The following TSC22D2 variants were observed in gnomAD, a reference collection of about 807,000 sequenced individuals.
The protein encoded by TSC22D2 is TSC22 domain family protein 2.
Under a neutral mutation model 50.1 loss-of-function variants are expected in TSC22D2, and 5 were observed. The ratio of observed to expected loss-of-function variants is 0.10; its 90% confidence interval spans 0.05 to 0.21. The LOEUF is 0.21. TSC22D2 is among the 10% of genes least tolerant of loss of function. The pLI is 1.00. For missense variants in TSC22D2, 1,003 were observed against 1,015.5 expected, an observed-to-expected ratio of 0.99 and a Z score of 0.17; for synonymous variants, 501 against 450.1, an observed-to-expected ratio of 1.11 and a Z score of -1.43.
intron 1 of TSC22D2, among the ~76,000 whole-genome samples, chr3:150,417,663 A>C (rs1719862155): frequency 6.6e-6 from 1 of 152,098 alleles, no homozygotes; most frequent in Admixed American, 6.5e-5. Flanking sequence ...TGTGCAAGTA[A>C]TTTGAACAGT....
At chr3:150,442,138 A>AT (rs1246845324) in intron 1 of TSC22D2, among the ~76,000 whole-genome samples, 17 of 152,106 alleles carry the variant, frequency 1.1e-4, no homozygotes, top group Admixed American at 1.1e-3. Context: ...TACTTGGAAC[A>AT]TTTTTTTGTA....
chr3:150,427,640 C>G (rs898349555), intron 1 of TSC22D2, among the ~76,000 whole-genome samples: 1 of 152,166 alleles, frequency 6.6e-6, no homozygotes, highest in African/African-American at 2.4e-5. Context: ...GTACCTAGTA[C>G]TTACATAATT....
At chr3:150,448,854 A>C (rs1720958450) in intron 1 of TSC22D2, among the ~76,000 whole-genome samples, 1 of 148,770 alleles carries the variant, frequency 6.7e-6, no homozygotes, top group African/African-American at 2.5e-5. Flanking sequence ...TGGAAAAAGA[A>C]GATAATGTTA....
At chr3:150,450,221 CA>C (rs1721001024) in intron 1 of TSC22D2, among the ~76,000 whole-genome samples, 1 of 151,990 alleles carries the variant, frequency 6.6e-6, no homozygotes, top group Admixed American at 6.6e-5. Context: ...CATTGGTGAA[CA>C]AGGTTTTTGT....
intron 1 of TSC22D2, among the ~76,000 whole-genome samples, chr3:150,455,808 T>A (rs1044651146): frequency 1.3e-5 from 2 of 152,200 alleles, no homozygotes; most frequent in African/African-American, 2.4e-5. Flanking sequence ...ATATAAAAAA[T>A]TATCTTTTCG....
intron 1 of TSC22D2, among the ~76,000 whole-genome samples, chr3:150,436,979 C>A (rs929001886): frequency 6.6e-6 from 1 of 151,998 alleles, no homozygotes. Flanking sequence ...GCGTATTGAT[C>A]ATCCTCAGTA....
rs1721545601 is a variant in TSC22D2, at chr3:150,466,376, G to A, written c.*7740G>A. 1 of 152,118 alleles carries A rather than the reference G, an allele frequency of 6.6e-6. No homozygotes were observed. The allele number at this position is 152,118 out of a possible 1,614,324, so 9.4% of individuals were successfully genotyped here. A position where few individuals can be genotyped will look rare whatever the true frequency, so the allele number is the denominator to read the frequency against. ...TTGATGTTTTTGAATATGCATTTATGTATTGTTTGTGTAATGACAAATTAA... is the reference window on the plus strand; with the variant it reads ...TTGATGTTTTTGAATATGCATTTATATATTGTTTGTGTAATGACAAATTAA... On this transcript the variant is annotated 3_prime_UTR_variant, in exon 3 of 3. Coordinates refer to ENST00000688009, the MANE Select transcript of TSC22D2 (RefSeq NM_001303264.2).
At position 150,409,848 on chromosome 3, in the gene TSC22D2, G is replaced by T. The variant is rs779812397; in HGVS notation, c.498G>T (p.Lys166Asn). 6.2e-7 allele frequency: 1 copy of T among 1,609,034 alleles called. No individual in the cohort carries two copies. Among genetic ancestry groups the T allele is most frequent in the Non-Finnish European group, 8.5e-7 (1 of 1,180,012 alleles). ...TTCSSRFRVI[K>N]LDHGSGEPYR... ...GTAGTTCCCGTTTTCGCGTGATCAA[G>T]CTGGACCACGGGAGCGGAGAGCCCT... The change falls in exon 1 of 3, where the codon AAG (lysine) becomes AAT (asparagine). Residue 166 changes from lysine to asparagine, a missense_variant. By Grantham distance (94) the Lys-to-Asn change is moderately conservative. Transcript: ENST00000688009. The surrounding 1 kb of genome is among the most constrained non-coding windows in gnomAD (Gnocchi z 7.4).
chr3:150,415,887 G>A (rs1482884850), intron 1 of TSC22D2, among the ~76,000 whole-genome samples: 2 of 152,156 alleles, frequency 1.3e-5, no homozygotes, highest in African/African-American at 2.4e-5. Context: ...CTATGAATCT[G>A]GTACTTCCTA....
At chr3:150,454,536 T>G (rs1426043211) in intron 1 of TSC22D2, among the ~76,000 whole-genome samples, 1 of 152,190 alleles carries the variant, frequency 6.6e-6, no homozygotes, top group Admixed American at 6.5e-5. Flanking sequence ...TGGGAACTTG[T>G]TAGAAATGCA....
chr3:150,461,020 C>G lies in TSC22D2; in HGVS notation c.*2384C>G, dbSNP rs1053552730. The G allele has an allele frequency of 3.3e-5, 5 of 152,074 alleles. No homozygotes were observed. Among genetic ancestry groups the G allele is most frequent in the African/African-American group, 9.7e-5 (4 of 41,402 alleles). 9.4% of individuals were successfully genotyped at this position (152,074 alleles called of 1,614,324 possible). Reference sequence around the variant, plus strand: ...TCAACCTCTAGTAACCTAAGAAATGCAAATTAATGTTTTTGGCGAATTGTA... The same window carrying G: ...TCAACCTCTAGTAACCTAAGAAATGGAAATTAATGTTTTTGGCGAATTGTA... On this transcript the variant is annotated 3_prime_UTR_variant, in exon 3 of 3. Transcript: ENST00000688009.
chr3:150,415,211 A>G (rs541761296), intron 1 of TSC22D2, among the ~76,000 whole-genome samples: 1 of 152,344 alleles, frequency 6.6e-6, no homozygotes, highest in East Asian at 1.9e-4. Context: ...TTCCTAAACC[A>G]TGAGCTATAT....
chr3:150,410,701 C>T lies in TSC22D2; in HGVS notation c.1351C>T (p.Pro451Ser), dbSNP rs1050186098. ...ACCAGCGCAAGGCGGGCAGGTCGCG[C>T]CTTGTCAGCCGACTGGAGTGCCCCC... ...TGPAQGGQVA[P>S]CQPTGVPPAT... Residue 451 changes from proline (P) to serine (S), a missense_variant, in exon 1 of 3, where the codon CCT becomes TCT. Physicochemically the swap from Pro to Ser is moderately conservative, Grantham distance 74 (BLOSUM62 -1). Coordinates refer to ENST00000688009, the MANE Select transcript of TSC22D2 (RefSeq NM_001303264.2). 2.9e-5 allele frequency: 46 copies of T among 1,574,082 alleles called. No homozygotes were observed. In the African/African-American group the frequency reaches 3.0e-4, roughly 10 times the overall value.
At position 150,409,376 on chromosome 3, in the gene TSC22D2, A is replaced by G. The variant is rs746428299; in HGVS notation, c.26A>G (p.Lys9Arg). 6.9e-6 allele frequency: 11 copies of G among 1,604,510 alleles called. No individual in the cohort carries two copies. The Admixed American group carries it at 1.3e-4, about 20-fold the overall frequency. The change falls in exon 1 of 3, where the codon AAG becomes AGG. Residue 9 changes from lysine to arginine, a missense_variant. Lys to Arg is a conservative substitution (Grantham distance 26). This residue lies in a region of TSC22D2 where 17 missense variants were observed against 34.4 expected (regional missense o/e 0.49). Transcript: ENST00000688009. The surrounding 1 kb of genome is among the most constrained non-coding windows in gnomAD (Gnocchi z 7.4). ...ATGTCCAAGATGCCGGCCAAGAAGA[A>G]GAGCTGCTTCCAGATCACCAGTGTC... MSKMPAKK[K>R]SCFQITSVTT... is the part of the protein sequence containing the mutation.
chr3:150,446,688 T>G (rs1462415220), intron 1 of TSC22D2, among the ~76,000 whole-genome samples: 1 of 152,200 alleles, frequency 6.6e-6, no homozygotes, highest in Non-Finnish European at 1.5e-5. Flanking sequence ...CCCTTTAGTC[T>G]AAATCAGAAT....
At chr3:150,423,195 C>T in intron 1 of TSC22D2, 1 of 1,071,806 alleles carries the variant, frequency 9.3e-7, no homozygotes, top group Non-Finnish European at 1.3e-6. Flanking sequence ...ACTGGTTTCT[C>T]ATTAAAACTG....
chr3:150,435,755 A>G (rs1720519375), intron 1 of TSC22D2, among the ~76,000 whole-genome samples: 1 of 152,192 alleles, frequency 6.6e-6, no homozygotes, highest in Admixed American at 6.5e-5. Flanking sequence ...AATTACTTGG[A>G]AATTATAAAT....
At chr3:150,436,970 C>G (rs16862646) in intron 1 of TSC22D2, among the ~76,000 whole-genome samples, 6,265 of 152,110 alleles carry the variant, frequency 0.041, 156 homozygotes, top group Middle Eastern at 0.075. Context: ...TAGCTTTATG[C>G]GTATTGATCA....
intron 1 of TSC22D2, among the ~76,000 whole-genome samples, chr3:150,416,291 T>TA (rs547516128): frequency 6.6e-6 from 1 of 152,170 alleles, no homozygotes; most frequent in Non-Finnish European, 1.5e-5. Context: ...GTTAAATACT[T>TA]AAAGTATGAG....
Sources: allele counts gnomAD v4.1 joint callset (sites outside exome capture counted in the v4.1 genomes callset), GRCh38; gene constraint gnomAD v4.1.1; regional missense constraint gnomAD v4.1.1; non-coding constraint Gnocchi (gnomAD v3.1); transcripts MANE v1.5; gene names NCBI Gene and HGNC (gene_info 2026-07-23, HGNC 2026-07-21).